The following IMMP2L variants were observed in gnomAD, a reference collection of about 807,000 sequenced individuals.
IMMP2L encodes the protein mitochondrial inner membrane protease subunit 2.
Under a neutral mutation model 19.3 loss-of-function variants are expected in IMMP2L, and 18 were observed. The observed-to-expected ratio is 0.93, with a 90% CI of 0.64 to 1.38. IMMP2L has a LOEUF of 1.38. Ranked by LOEUF, IMMP2L falls within the 40% of genes most tolerant of loss-of-function variation. The pLI, the probability that IMMP2L is intolerant of heterozygous loss-of-function variation, is 0.00. For synonymous variants in IMMP2L, 76 were observed against 73.0 expected (o/e 1.04, Z -0.21); for missense variants, 233 against 218.2 (o/e 1.07, Z -0.43).
intron 1 of IMMP2L, among the ~76,000 whole-genome samples, chr7:111,547,130 C>T (rs1004659763): frequency 2.6e-5 from 4 of 152,160 alleles, no homozygotes; most frequent in Non-Finnish European, 5.9e-5. Context: ...TTTACAAAGA[C>T]CACTGACTGC....
chr7:111,080,981 T>C (rs1193433575), intron 3 of IMMP2L, among the ~76,000 whole-genome samples: 1 of 152,226 alleles, frequency 6.6e-6, no homozygotes, highest in East Asian at 1.9e-4. Flanking sequence ...CAGAAACAGC[T>C]GGCAGCTTCA....
chr7:111,472,796 G>A (rs542989470), intron 3 of IMMP2L, among the ~76,000 whole-genome samples: 1 of 152,070 alleles, frequency 6.6e-6, no homozygotes, highest in South Asian at 2.1e-4. Flanking sequence ...TAGAAATACT[G>A]CTCCAAAAAT....
At chr7:110,713,555 T>C (rs1309191852) in intron 5 of IMMP2L, among the ~76,000 whole-genome samples, 1 of 152,200 alleles carries the variant, frequency 6.6e-6, no homozygotes, top group Non-Finnish European at 1.5e-5. Context: ...TAGGATGTTT[T>C]TCCATTTGTT....
chr7:111,314,011 G>T (rs371645519), intron 3 of IMMP2L, among the ~76,000 whole-genome samples: 32 of 152,242 alleles, frequency 2.1e-4, no homozygotes, highest in African/African-American at 7.7e-4. Context: ...TGCTTTTGCT[G>T]TGTGAAGTGC....
At chr7:111,011,278 A>G (rs1341126718) in intron 3 of IMMP2L, among the ~76,000 whole-genome samples, 3 of 152,168 alleles carry the variant, frequency 2.0e-5, no homozygotes, top group Admixed American at 2.0e-4. Context: ...AGCAGTATTC[A>G]TTACTATCTG....
At chr7:111,512,656 T>C (rs578146623) in intron 2 of IMMP2L, among the ~76,000 whole-genome samples, 30 of 151,974 alleles carry the variant, frequency 2.0e-4, no homozygotes, top group African/African-American at 7.0e-4. Context: ...AGCCAAACAA[T>C]CTTAAGCAAG....
intron 3 of IMMP2L, among the ~76,000 whole-genome samples, chr7:111,344,521 T>C (rs546890570): frequency 6.6e-6 from 1 of 152,318 alleles, no homozygotes; most frequent in East Asian, 1.9e-4. Context: ...TCCCAATAGA[T>C]AGAGCCATGT....
intron 2 of IMMP2L, among the ~76,000 whole-genome samples, chr7:111,490,424 T>C (rs1247588626): frequency 6.6e-6 from 1 of 151,846 alleles, no homozygotes; most frequent in East Asian, 1.9e-4. Context: ...AGCCCTTTCT[T>C]ATTTTCTTAC....
chr7:111,107,665 T>C (rs949108966), intron 3 of IMMP2L, among the ~76,000 whole-genome samples: 1 of 152,092 alleles, frequency 6.6e-6, no homozygotes, highest in African/African-American at 2.4e-5. Flanking sequence ...AAATATGAAA[T>C]ACAATAGATG....
At chr7:111,018,776 T>C (rs2129565841) in intron 3 of IMMP2L, among the ~76,000 whole-genome samples, 1 of 143,906 alleles carries the variant, frequency 6.9e-6, no homozygotes, top group South Asian at 2.2e-4. Context: ...CCACTGGAAA[T>C]TGTGTGTCTT....
At chr7:110,902,968 C>A (rs1321349081) in intron 4 of IMMP2L, among the ~76,000 whole-genome samples, 2 of 149,760 alleles carry the variant, frequency 1.3e-5, no homozygotes, top group African/African-American at 2.4e-5. Flanking sequence ...AGTACAGACT[C>A]TATTTTGTAG....
chr7:111,516,455 G>A (rs1845876372), intron 2 of IMMP2L, among the ~76,000 whole-genome samples: 1 of 152,066 alleles, frequency 6.6e-6, no homozygotes, highest in African/African-American at 2.4e-5. Flanking sequence ...TATCTGGGTA[G>A]AGAAGCCATA....
intron 3 of IMMP2L, among the ~76,000 whole-genome samples, chr7:111,388,406 G>A (rs1043881504): frequency 6.6e-5 from 10 of 152,038 alleles, no homozygotes; most frequent in African/African-American, 1.7e-4. Flanking sequence ...AAACCCTGTC[G>A]TTTGGAATCG....
intron 4 of IMMP2L, among the ~76,000 whole-genome samples, chr7:110,917,898 G>A (rs1382852674): frequency 1.3e-5 from 2 of 152,096 alleles, no homozygotes; most frequent in Non-Finnish European, 2.9e-5. Context: ...TGAGAATACT[G>A]CTAAAATTAT....
At chr7:111,003,254 T>C (rs1438065094) in intron 3 of IMMP2L, among the ~76,000 whole-genome samples, 1 of 152,172 alleles carries the variant, frequency 6.6e-6, no homozygotes, top group East Asian at 1.9e-4. Context: ...TTTACCGATA[T>C]TCTCTCAATT....
intron 5 of IMMP2L, among the ~76,000 whole-genome samples, chr7:110,871,047 T>C (rs558257065): frequency 6.6e-6 from 1 of 151,958 alleles, no homozygotes; most frequent in South Asian, 2.1e-4. Flanking sequence ...AGGACGTTGG[T>C]GGAAGAGTAA....
At chr7:111,303,415 T>C (rs1478260121) in intron 3 of IMMP2L, among the ~76,000 whole-genome samples, 1 of 152,118 alleles carries the variant, frequency 6.6e-6, no homozygotes, top group East Asian at 1.9e-4. Flanking sequence ...TTTTGTTTGT[T>C]TACATATACT....
chr7:111,021,344 T>C (rs1455966055), intron 3 of IMMP2L, among the ~76,000 whole-genome samples: 2 of 152,218 alleles, frequency 1.3e-5, no homozygotes, highest in Admixed American at 1.3e-4. Context: ...CAGGTATAAA[T>C]TGAAAGCAGG....
chr7:110,920,333 G>C (rs1366161833), intron 4 of IMMP2L, among the ~76,000 whole-genome samples: 5 of 152,176 alleles, frequency 3.3e-5, no homozygotes, highest in Admixed American at 2.0e-4. Flanking sequence ...ACCCTAGGTA[G>C]GGACACAGAA....
Sources: allele counts gnomAD v4.1 joint callset (sites outside exome capture counted in the v4.1 genomes callset), GRCh38; gene constraint gnomAD v4.1.1; transcripts MANE v1.5; gene names NCBI Gene and HGNC (gene_info 2026-07-23, HGNC 2026-07-21).